Variants in LRRC4C observed in about 807,000 individuals in gnomAD.
LRRC4C encodes the protein leucine rich repeat containing 4C, also known as leucine-rich repeat-containing protein 4C.
In LRRC4C, 5 loss-of-function variants were observed where a neutral mutation model predicts 33.6. The ratio of observed to expected loss-of-function variants is 0.15; its 90% confidence interval spans 0.08 to 0.31. LRRC4C has a LOEUF of 0.31. Ranked by LOEUF, LRRC4C falls within the 10% of genes least tolerant of loss-of-function variation. LRRC4C has a pLI of 1.00. For missense variants in LRRC4C, 560 were observed against 796.7 expected, an observed-to-expected ratio of 0.70 and a Z score of 3.58; for synonymous variants, 329 against 302.0, an observed-to-expected ratio of 1.09 and a Z score of -0.93.
chr11:40,303,617 G>A (rs1227491097), intron 4 of LRRC4C, among the ~76,000 whole-genome samples: 3 of 152,116 alleles, frequency 2.0e-5, no homozygotes, highest in African/African-American at 7.2e-5. Flanking sequence ...TAAAGCAAGA[G>A]TCTTCAATTT....
At chr11:40,281,106 G>C (rs1042758178) in intron 4 of LRRC4C, among the ~76,000 whole-genome samples, 1 of 152,124 alleles carries the variant, frequency 6.6e-6, no homozygotes, top group African/African-American at 2.4e-5. Context: ...CTGCTTTGGG[G>C]AATTGAAAAA....
chr11:40,729,082 A>G (rs1160270907), intron 2 of LRRC4C, among the ~76,000 whole-genome samples: 1 of 152,186 alleles, frequency 6.6e-6, no homozygotes, highest in African/African-American at 2.4e-5. Context: ...CCTCAGCATC[A>G]TGCAATATAC....
intron 2 of LRRC4C, among the ~76,000 whole-genome samples, chr11:40,676,704 C>A (rs1944422142): frequency 6.6e-6 from 1 of 152,116 alleles, no homozygotes; most frequent in Non-Finnish European, 1.5e-5. Context: ...ATAATCTTGA[C>A]CAATTTGGCT....
At chr11:41,457,968 G>T (rs1956220553) in intron 1 of LRRC4C, among the ~76,000 whole-genome samples, 1 of 152,008 alleles carries the variant, frequency 6.6e-6, no homozygotes, top group Admixed American at 6.6e-5. Context: ...TTGTTTGTTT[G>T]CTTGTTTTCT....
intron 3 of LRRC4C, among the ~76,000 whole-genome samples, chr11:40,417,605 G>C (rs1286944579): frequency 6.6e-6 from 1 of 151,832 alleles, no homozygotes; most frequent in Non-Finnish European, 1.5e-5. Context: ...ACCTACCTCG[G>C]CCTCCCAAAG....
chr11:40,122,143 G>T (rs1467606079), intron 6 of LRRC4C, among the ~76,000 whole-genome samples: 4 of 152,078 alleles, frequency 2.6e-5, no homozygotes. Context: ...GACTCACCTT[G>T]CTGTTTTCTT....
chr11:40,443,290 T>A (rs1301554045), intron 3 of LRRC4C, among the ~76,000 whole-genome samples: 1 of 152,184 alleles, frequency 6.6e-6, no homozygotes, highest in Admixed American at 6.5e-5. Flanking sequence ...AACAAGATAT[T>A]ATCTTGAAAC....
intron 1 of LRRC4C, among the ~76,000 whole-genome samples, chr11:41,284,869 C>T (rs1228693385): frequency 6.6e-6 from 1 of 152,144 alleles, no homozygotes; most frequent in Admixed American, 6.5e-5. Flanking sequence ...TATTCTGTAA[C>T]ACCTGAAAAT....
At chr11:40,945,870 A>T (rs757398903) in intron 1 of LRRC4C, among the ~76,000 whole-genome samples, 1 of 152,164 alleles carries the variant, frequency 6.6e-6, no homozygotes, top group African/African-American at 2.4e-5. Context: ...TAATCCATAC[A>T]TATGAATATG....
chr11:41,271,372 C>T (rs1367293759), intron 1 of LRRC4C, among the ~76,000 whole-genome samples: 3 of 152,214 alleles, frequency 2.0e-5, no homozygotes, highest in Admixed American at 1.3e-4. Flanking sequence ...ACATTTTCCT[C>T]CCAAACTTCT....
At chr11:40,229,496 C>G (rs1195692565) in intron 5 of LRRC4C, among the ~76,000 whole-genome samples, 1 of 152,112 alleles carries the variant, frequency 6.6e-6, no homozygotes, top group East Asian at 1.9e-4. Context: ...TGGTCTTGAA[C>G]TCCTGACCTC....
At chr11:40,196,669 C>A (rs950708245) in intron 5 of LRRC4C, among the ~76,000 whole-genome samples, 1 of 152,128 alleles carries the variant, frequency 6.6e-6, no homozygotes, top group Admixed American at 6.6e-5. Context: ...CAGAGTAGAT[C>A]TAAGATTTTA....
At chr11:40,747,203 G>T (rs1416529034) in intron 2 of LRRC4C, among the ~76,000 whole-genome samples, 1 of 152,174 alleles carries the variant, frequency 6.6e-6, no homozygotes, top group African/African-American at 2.4e-5. Flanking sequence ...GGGGCCCAAA[G>T]ATCAGCCTAC....
In LRRC4C at chr11:40,337,260, A is replaced by G. The variant is rs571389801; in HGVS notation, c.-269-17539T>C. ...GTGTTCAGAGAGAATCAGAGGACAG[A>G]CCAGTAAGGCTTTACAGACGAAGGT... is the stretch of plus-strand genomic sequence containing the variant. On this transcript the variant is annotated intron_variant, in intron 3 of 6. Coordinates refer to ENST00000528697, the MANE Select transcript of LRRC4C (RefSeq NM_001258419.2). Among the ~76,000 whole-genome samples, 57 of 152,336 alleles carry G rather than the reference A, an allele frequency of 3.7e-4. No homozygotes were observed. The South Asian group carries it at 5.8e-3, about 15-fold the overall frequency.
intron 1 of LRRC4C, among the ~76,000 whole-genome samples, chr11:41,416,091 T>C (rs969248379): frequency 6.6e-6 from 1 of 152,102 alleles, no homozygotes; most frequent in South Asian, 2.1e-4. Flanking sequence ...TATCCCTCGG[T>C]ATTACCATTT....
At chr11:40,404,834 A>G (rs1461822440) in intron 3 of LRRC4C, among the ~76,000 whole-genome samples, 1 of 152,022 alleles carries the variant, frequency 6.6e-6, no homozygotes, top group Admixed American at 6.6e-5. Flanking sequence ...AAATGTTATC[A>G]TGTATATTTA....
At chr11:40,162,086 G>T (rs1415236924) in intron 5 of LRRC4C, among the ~76,000 whole-genome samples, 1 of 151,576 alleles carries the variant, frequency 6.6e-6, no homozygotes, top group African/African-American at 2.4e-5. Flanking sequence ...GCAGTGGGTT[G>T]TATTCATAGT....
intron 1 of LRRC4C, among the ~76,000 whole-genome samples, chr11:41,202,269 C>A (rs2136269916): frequency 6.6e-6 from 1 of 152,256 alleles, no homozygotes; most frequent in East Asian, 1.9e-4. Context: ...CTGTTTGATG[C>A]ACAGAGGAGG....
intron 2 of LRRC4C, among the ~76,000 whole-genome samples, chr11:40,767,806 T>G (rs1949545308): frequency 6.6e-6 from 1 of 151,972 alleles, no homozygotes; most frequent in Non-Finnish European, 1.5e-5. Context: ...AAAATCCATG[T>G]GATTCAATGC....
Sources: allele counts gnomAD v4.1 joint callset (sites outside exome capture counted in the v4.1 genomes callset), GRCh38; gene constraint gnomAD v4.1.1; transcripts MANE v1.5; gene names NCBI Gene and HGNC (gene_info 2026-07-23, HGNC 2026-07-21).